Variants in ATP6V1A observed in about 807,000 individuals in gnomAD.
ATP6V1A encodes V-type proton ATPase catalytic subunit A.
Under a neutral mutation model 70.1 loss-of-function variants are expected in ATP6V1A, and 18 were observed. The observed-to-expected ratio is 0.26, with a 90% CI of 0.18 to 0.38. ATP6V1A has a LOEUF of 0.38. Among genes scored for constraint, ATP6V1A ranks in the 10% least tolerant of loss-of-function variants. ATP6V1A has a pLI of 1.00. For synonymous variants in ATP6V1A, 232 were observed against 253.8 expected, an observed-to-expected ratio of 0.91 and a Z score of 0.82; for missense variants, 424 against 772.4, an observed-to-expected ratio of 0.55 and a Z score of 5.35.
At chr3:113,771,438 T>C (rs976040044) in intron 1 of ATP6V1A, among the ~76,000 whole-genome samples, 8 of 61,066 alleles carry the variant, frequency 1.3e-4, no homozygotes, top group Admixed American at 5.0e-4. Context: ...TCTTTTTTTT[T>C]TTTTTTTTTT....
At chr3:113,752,855 A>G (rs1051690947) in intron 1 of ATP6V1A, among the ~76,000 whole-genome samples, 1 of 152,158 alleles carries the variant, frequency 6.6e-6, no homozygotes, top group African/African-American at 2.4e-5. Flanking sequence ...CTGATTTCAG[A>G]TGGATTAGAG....
intron 1 of ATP6V1A, among the ~76,000 whole-genome samples, chr3:113,749,263 TCACACACACACACACACA>T (rs58516178): frequency 2.8e-5 from 4 of 141,162 alleles, no homozygotes; most frequent in Non-Finnish European, 4.6e-5. Flanking sequence ...TATACACAGA[TCACACACACACACACACA>T]CACACACACA....
intron 1 of ATP6V1A, among the ~76,000 whole-genome samples, chr3:113,769,709 C>G (rs1405629275): frequency 6.6e-6 from 1 of 152,132 alleles, no homozygotes; most frequent in Non-Finnish European, 1.5e-5. Flanking sequence ...CTGCAGTGTT[C>G]TGCAGTGCCT....
chr3:113,804,594 G>C (rs1358458495), intron 13 of ATP6V1A, among the ~76,000 whole-genome samples: 1 of 152,100 alleles, frequency 6.6e-6, no homozygotes, highest in Non-Finnish European at 1.5e-5. Flanking sequence ...CCAATGGAAG[G>C]ATTACCAGAA....
At chr3:113,753,407 G>C (rs568835462) in intron 1 of ATP6V1A, among the ~76,000 whole-genome samples, 4 of 152,156 alleles carry the variant, frequency 2.6e-5, no homozygotes, top group African/African-American at 9.7e-5. Context: ...GAGAATACAT[G>C]TATTTTCCAC....
chr3:113,755,378 CGG>C (rs1708636421), intron 1 of ATP6V1A, among the ~76,000 whole-genome samples: 1 of 140,214 alleles, frequency 7.1e-6, no homozygotes, highest in African/African-American at 2.7e-5. Flanking sequence ...CCGATGCAGG[CGG>C]ATTGCTTGAG....
At chr3:113,767,488 C>T (rs1708787185) in intron 1 of ATP6V1A, among the ~76,000 whole-genome samples, 1 of 152,130 alleles carries the variant, frequency 6.6e-6, no homozygotes, top group African/African-American at 2.4e-5. Flanking sequence ...ATATAATACG[C>T]ACTTTGAGGG....
intron 1 of ATP6V1A, among the ~76,000 whole-genome samples, chr3:113,758,637 A>G (rs1438486294): frequency 2.0e-5 from 3 of 152,218 alleles, no homozygotes; most frequent in South Asian, 2.1e-4. Context: ...TAAAGGTCCT[A>G]TGAACATTCA....
At chr3:113,748,904 T>G (rs898225341) in intron 1 of ATP6V1A, among the ~76,000 whole-genome samples, 1 of 152,202 alleles carries the variant, frequency 6.6e-6, no homozygotes, top group African/African-American at 2.4e-5. Context: ...ATAATAAGGT[T>G]CCTTGATCTC....
At chr3:113,784,203 T>C in intron 3 of ATP6V1A, 21 bp from the exon 4 acceptor site, 1 of 1,605,090 alleles carries the variant, frequency 6.2e-7, no homozygotes, top group Non-Finnish European at 8.5e-7. Flanking sequence ...ATAGTAGGTT[T>C]TCCTTAGCTG....
chr3:113,784,181 C>T (rs374773637), intron 3 of ATP6V1A, 43 bp from the exon 4 acceptor site: 1 of 1,556,852 alleles, frequency 6.4e-7, no homozygotes, highest in African/African-American at 1.4e-5. Context: ...TTAATTGTGT[C>T]TTTAAACCTT....
rs1161694887 is a variant in ATP6V1A at position 113,795,264 on chromosome 3, GA to G, written c.1226+67del. The G allele has an allele frequency of 5.2e-6, 8 of 1,527,068 alleles. No individual in the cohort carries two copies. In the South Asian group the frequency reaches 6.0e-5, roughly 11 times the overall value. 94.6% of individuals were successfully genotyped at this position (1,527,068 alleles called of 1,614,324 possible). A position where few individuals can be genotyped will look rare whatever the true frequency, so the allele number is the denominator to read the frequency against. On this transcript the variant is annotated intron_variant, in intron 10 of 14. Coordinates refer to ENST00000273398, the MANE Select transcript of ATP6V1A (RefSeq NM_001690.4). ...AAAAGTCACAGATGTATTAAAGAGA[GA>G]AAAAAAGTCACTTATTTTAAAGAGA...
chr3:113,805,291 A>G (rs1709262594), intron 13 of ATP6V1A, 63 bp from the exon 14 acceptor site: 1 of 1,484,104 alleles, frequency 6.7e-7, no homozygotes, highest in Admixed American at 1.9e-5. Context: ...GTAGTTTTAT[A>G]TAAAGTATGA....
intron 14 of ATP6V1A, 119 bp downstream of exon 14, chr3:113,805,644 C>G: frequency 1.0e-6 from 1 of 961,760 alleles, no homozygotes; most frequent in East Asian, 2.6e-5. Context: ...TCTTGTCTCA[C>G]TGCAACCTCT....
intron 8 of ATP6V1A, 138 bp from the exon 9 acceptor site, chr3:113,794,734 A>G: frequency 1.0e-6 from 1 of 955,992 alleles, no homozygotes; most frequent in Non-Finnish European, 1.5e-6. Context: ...GCCCAGAAAA[A>G]GAGGAAGAGC....
intron 1 of ATP6V1A, among the ~76,000 whole-genome samples, chr3:113,749,263 T>TCACACACACACACACACACA (rs58516178): frequency 6.4e-5 from 9 of 141,258 alleles, no homozygotes; most frequent in African/African-American, 2.4e-4. Context: ...TATACACAGA[T>TCACACACACACACACACACA]CACACACACA....
intron 1 of ATP6V1A, among the ~76,000 whole-genome samples, chr3:113,750,647 G>A (rs569071737): frequency 1.3e-5 from 2 of 152,292 alleles, no homozygotes; most frequent in South Asian, 4.1e-4. Flanking sequence ...CTTAAGTAAG[G>A]TTAAGTTTTC....
rs1448777077 is a variant in ATP6V1A at position 113,810,014 on chromosome 3, A to ACT, written c.*590_*591dup. 6.6e-6 allele frequency: 1 copy of ACT among 151,566 alleles called. No homozygotes were observed. The highest frequency in any genetic ancestry group is 1.5e-5 in the Non-Finnish European group (1 of 67,890). The allele number at this position is 151,566 out of a possible 1,614,324, so 9.4% of individuals were successfully genotyped here. ...TTTGTGAGAAACCATTGGGAACTAT[A>ACT]CTCTTTTTATTTTTATTTTTTATTT... On this transcript the variant is annotated 3_prime_UTR_variant, in exon 15 of 15. Transcript: ENST00000273398.
chr3:113,785,340 T>C (rs945931106), intron 5 of ATP6V1A, among the ~76,000 whole-genome samples: 42 of 152,026 alleles, frequency 2.8e-4, no homozygotes, highest in African/African-American at 9.4e-4. Flanking sequence ...GTTGAAAGGC[T>C]GAGGCAGGAG....
Sources: gnomAD v4.1 joint callset for allele counts (sites outside exome capture counted in the v4.1 genomes callset) on GRCh38, gnomAD v4.1.1 for gene constraint, MANE v1.5 for transcripts, NCBI Gene and HGNC (gene_info 2026-07-23, HGNC 2026-07-21) for gene names.